Variants in ROBO2 observed in about 807,000 individuals in gnomAD.
ROBO2 encodes roundabout homolog 2.
In ROBO2, 53 loss-of-function variants were observed where a neutral mutation model predicts 160.8. The observed-to-expected ratio is 0.33, with a 90% confidence interval of 0.26 to 0.41. The LOEUF is 0.41. ROBO2 is among the 10% of genes least tolerant of loss of function. The probability of loss-of-function intolerance (pLI) is 1.00; values close to 1 mark genes in which losing one functional copy is unlikely to be tolerated. For synonymous variants in ROBO2, 664 were observed against 611.7 expected, an observed-to-expected ratio of 1.09 and a Z score of -1.26; for missense variants, 1,577 against 1,722.4, an observed-to-expected ratio of 0.92 and a Z score of 1.49.
chr3:77,071,658 T>TTG (rs1559947309), intron 1 of ROBO2, among the ~76,000 whole-genome samples: 2 of 152,144 alleles, frequency 1.3e-5, no homozygotes, highest in Non-Finnish European at 2.9e-5. Context: ...CTGGAGTTGG[T>TTG]TGTGTGTGTA....
chr3:76,058,612 T>TTTTTTC (rs1268481595), intron 2 of ROBO2, among the ~76,000 whole-genome samples: 5 of 148,632 alleles, frequency 3.4e-5, no homozygotes, highest in African/African-American at 1.2e-4. Context: ...TTTTTTTTTT[T>TTTTTTC]TTGCTATTTG....
chr3:77,502,054 C>T (rs1211128574), intron 5 of ROBO2, among the ~76,000 whole-genome samples: 1 of 152,026 alleles, frequency 6.6e-6, no homozygotes, highest in Non-Finnish European at 1.5e-5. Context: ...TTAGAAAATG[C>T]TATGATGTAA....
At chr3:76,677,531 G>C (rs1023166267) in intron 2 of ROBO2, among the ~76,000 whole-genome samples, 1 of 152,062 alleles carries the variant, frequency 6.6e-6, no homozygotes, top group Admixed American at 6.6e-5. Flanking sequence ...ATAATCTGTA[G>C]AGAAACAATC....
chr3:75,999,023 C>G (rs980829868), intron 2 of ROBO2, among the ~76,000 whole-genome samples: 30 of 152,226 alleles, frequency 2.0e-4, no homozygotes, highest in Admixed American at 1.4e-3. Flanking sequence ...CACCACGTTC[C>G]TTGGAGGTGG....
chr3:76,733,810 G>T (rs1464413294), intron 2 of ROBO2, among the ~76,000 whole-genome samples: 1 of 152,128 alleles, frequency 6.6e-6, no homozygotes, highest in Non-Finnish European at 1.5e-5. Flanking sequence ...CGAATGGCTG[G>T]ATGGCTTACA....
intron 1 of ROBO2, among the ~76,000 whole-genome samples, chr3:75,907,238 T>G (rs1459248650): frequency 6.6e-6 from 1 of 152,168 alleles, no homozygotes; most frequent in Non-Finnish European, 1.5e-5. Context: ...AGACAAGCTT[T>G]TAAGACGGAA....
chr3:76,453,866 T>C (rs1324872128), intron 2 of ROBO2, among the ~76,000 whole-genome samples: 2 of 152,152 alleles, frequency 1.3e-5, no homozygotes, highest in Non-Finnish European at 2.9e-5. Flanking sequence ...GCTTGATTCC[T>C]GAACAGAATG....
intron 2 of ROBO2, among the ~76,000 whole-genome samples, chr3:77,292,023 G>A (rs1406791379): frequency 6.6e-6 from 1 of 150,688 alleles, no homozygotes; most frequent in East Asian, 2.0e-4. Context: ...GATCACCCCA[G>A]AAATAAAGTA....
chr3:76,370,955 C>A (rs1456742416), intron 2 of ROBO2, among the ~76,000 whole-genome samples: 1 of 151,842 alleles, frequency 6.6e-6, no homozygotes, highest in African/African-American at 2.4e-5. Flanking sequence ...CCCCCAGCAT[C>A]CCCATGATAA....
intron 2 of ROBO2, among the ~76,000 whole-genome samples, chr3:76,388,906 A>T (rs1011881993): frequency 5.9e-5 from 9 of 152,294 alleles, no homozygotes; most frequent in African/African-American, 2.2e-4. Context: ...TTGCCTTAAA[A>T]AATCTTTTCA....
At chr3:76,590,954 G>A (rs1328437067) in intron 2 of ROBO2, among the ~76,000 whole-genome samples, 3 of 152,000 alleles carry the variant, frequency 2.0e-5, no homozygotes, top group Non-Finnish European at 4.4e-5. Flanking sequence ...GATGATAAAC[G>A]ATATGTTACA....
At chr3:76,677,224 A>G (rs1251454752) in intron 2 of ROBO2, among the ~76,000 whole-genome samples, 1 of 152,058 alleles carries the variant, frequency 6.6e-6, no homozygotes, top group Non-Finnish European at 1.5e-5. Context: ...ACAGAAGAAG[A>G]AAAAAGGAGG....
intron 11 of ROBO2, chr3:77,564,349 C>T (rs935401850): frequency 6.7e-5 from 25 of 374,232 alleles, no homozygotes; most frequent in Non-Finnish European, 1.2e-4. Flanking sequence ...GAGATTTCAC[C>T]GTTCTGAGAT....
At chr3:77,530,118 A>C (rs537145712) in intron 6 of ROBO2, among the ~76,000 whole-genome samples, 1 of 152,122 alleles carries the variant, frequency 6.6e-6, no homozygotes, top group African/African-American at 2.4e-5. Flanking sequence ...AGCTCTTAGC[A>C]ATAGCATAAA....
At chr3:76,612,794 C>T (rs1251534552) in intron 2 of ROBO2, among the ~76,000 whole-genome samples, 4 of 152,072 alleles carry the variant, frequency 2.6e-5, no homozygotes, top group Non-Finnish European at 5.9e-5. Context: ...CTGTTATATC[C>T]TCTTGTCTAA....
intron 2 of ROBO2, among the ~76,000 whole-genome samples, chr3:77,322,904 TATTATAATATATTATATATTATGG>T (rs2064913814): frequency 3.3e-5 from 2 of 61,254 alleles, no homozygotes; most frequent in Admixed American, 2.4e-4. Context: ...ATATATTATG[TATTATAATATATTATATATTATGG>T]ATAATATAAT....
intron 21 of ROBO2, among the ~76,000 whole-genome samples, chr3:77,609,540 G>GT (rs887309710): frequency 1.1e-4 from 16 of 151,328 alleles, no homozygotes; most frequent in African/African-American, 3.4e-4. Flanking sequence ...AATTTGGAGG[G>GT]TTTTTTTTCC....
chr3:76,405,810 T>C (rs2078092824), intron 2 of ROBO2, among the ~76,000 whole-genome samples: 1 of 151,720 alleles, frequency 6.6e-6, no homozygotes, highest in Non-Finnish European at 1.5e-5. Flanking sequence ...GGGAATCACT[T>C]TTCCTTGCTT....
intron 2 of ROBO2, among the ~76,000 whole-genome samples, chr3:76,509,670 T>C (rs1431720276): frequency 6.6e-6 from 1 of 152,084 alleles, no homozygotes; most frequent in African/African-American, 2.4e-5. Context: ...GAAGTCACGC[T>C]CCACGAAGCT....
Sources: allele counts gnomAD v4.1 joint callset (sites outside exome capture counted in the v4.1 genomes callset), GRCh38; gene constraint gnomAD v4.1.1; transcripts MANE v1.5; gene names NCBI Gene and HGNC (gene_info 2026-07-23, HGNC 2026-07-21).